Variants in PRKAR1A observed in about 807,000 individuals in gnomAD.
The protein encoded by PRKAR1A is cAMP-dependent protein kinase type I-alpha regulatory subunit.
PRKAR1A carries 3 observed loss-of-function variants against 52.0 expected under a neutral mutation model. The observed-to-expected ratio is 0.06, with a 90% confidence interval of 0.03 to 0.15. PRKAR1A has a LOEUF of 0.15. PRKAR1A is among the 10% of genes least tolerant of loss of function. The pLI is 1.00. For synonymous variants in PRKAR1A, 188 were observed against 168.4 expected (o/e 1.12, Z -0.90); for missense variants, 240 against 477.4 (o/e 0.50, Z 4.63).
intron 11 of PRKAR1A, chr17:68,540,837 G>GT: frequency 6.3e-7 from 1 of 1,588,750 alleles, no homozygotes; most frequent in Middle Eastern, 2.2e-4. Flanking sequence ...GGGCCTGCGT[G>GT]TGGGGACCTA....
At chr17:68,489,825 G>T in the PRKAR1A span, among the ~76,000 whole-genome samples, 1 of 152,176 alleles carries the variant, frequency 6.6e-6, no homozygotes, top group Admixed American at 6.5e-5. Context: ...CAAAATTCTG[G>T]GATTATAGGC....
intron 11 of PRKAR1A, among the ~76,000 whole-genome samples, chr17:68,546,280 C>G (rs977465478): frequency 1.3e-5 from 2 of 150,966 alleles, no homozygotes; most frequent in South Asian, 2.1e-4. Context: ...TTCTAGTTCT[C>G]TTTTATTTCC....
At chr17:68,458,934 G>T in the PRKAR1A span, among the ~76,000 whole-genome samples, 1 of 152,000 alleles carries the variant, frequency 6.6e-6, no homozygotes, top group Admixed American at 6.6e-5. Flanking sequence ...CTACTTTTAT[G>T]TATGTGTATA....
chr17:68,428,804 G>T, the PRKAR1A span: 1 of 1,571,352 alleles, frequency 6.4e-7, no homozygotes, highest in Non-Finnish European at 8.8e-7. Flanking sequence ...TCGAAAGGCT[G>T]TCTTTTGAAA....
chr17:68,433,388 GA>G, the PRKAR1A span: 1 of 1,265,346 alleles, frequency 7.9e-7, no homozygotes, highest in Non-Finnish European at 1.1e-6. Flanking sequence ...AGAAAGAAAA[GA>G]GATCATTCAT....
intron 11 of PRKAR1A, chr17:68,540,814 C>A: frequency 6.4e-7 from 1 of 1,567,480 alleles, no homozygotes; most frequent in Non-Finnish European, 8.7e-7. Flanking sequence ...ATAGCAGAGC[C>A]CACTTCTGCT....
intron 11 of PRKAR1A, among the ~76,000 whole-genome samples, chr17:68,545,043 CAAAGTT>C (rs907320176): frequency 1.1e-4 from 16 of 151,974 alleles, no homozygotes; most frequent in Admixed American, 8.5e-4. Flanking sequence ...GTATATTTTC[CAAAGTT>C]AAAGTTCTAC....
intron 11 of PRKAR1A, among the ~76,000 whole-genome samples, chr17:68,550,145 C>CT (rs1275052586): frequency 1.3e-5 from 2 of 152,050 alleles, no homozygotes; most frequent in Non-Finnish European, 2.9e-5. Context: ...CAACTTGACT[C>CT]TAAGTGATGA....
At chr17:68,535,532 C>T (rs181295794), downstream of PRKAR1A, 62 of 454,036 alleles carry the variant, frequency 1.4e-4, no homozygotes, top group East Asian at 3.4e-3. Flanking sequence ...CCTGGTTCTT[C>T]ATCCACAGGG....
intron 2 of PRKAR1A, among the ~76,000 whole-genome samples, chr17:68,521,240 TA>T (rs1300765887): frequency 6.6e-6 from 1 of 152,056 alleles, no homozygotes; most frequent in South Asian, 2.1e-4. Flanking sequence ...ATGCCTGGCC[TA>T]TTTTTTGAGA....
chr17:68,481,968 A>G, the PRKAR1A span, among the ~76,000 whole-genome samples: 3 of 152,222 alleles, frequency 2.0e-5, no homozygotes, highest in Admixed American at 2.0e-4. Context: ...AAGTGGAAGA[A>G]ATGCCCTACC....
downstream of PRKAR1A, chr17:68,536,939 T>G (rs2086113170): frequency 2.2e-6 from 1 of 454,162 alleles, no homozygotes. Flanking sequence ...CTGATTCAGA[T>G]GGGTCCAGTG....
At chr17:68,457,533 CCCCG>C in the PRKAR1A span, 1 of 199,290 alleles carries the variant, frequency 5.0e-6, no homozygotes, top group East Asian at 1.1e-4. Flanking sequence ...CCCTACCCCG[CCCCG>C]TCCCCACCCC....
chr17:68,426,731 CA>C, the PRKAR1A span, among the ~76,000 whole-genome samples: 1 of 152,126 alleles, frequency 6.6e-6, no homozygotes, highest in Non-Finnish European at 1.5e-5. Context: ...GATGGGGTTT[CA>C]CCATGTTGGC....
the PRKAR1A span, chr17:68,426,252 G>GGGGC: frequency 1.2e-6 from 1 of 828,188 alleles, no homozygotes; most frequent in Non-Finnish European, 1.9e-6. Flanking sequence ...TGGGGAGCGG[G>GGGGC]GGCTCAAATA....
chr17:68,532,646 G>A lies in PRKAR1A; in HGVS notation c.*2197G>A, dbSNP rs533508012. The A allele has an allele frequency of 7.6e-4, 811 of 1,066,226 alleles. 2 individuals carry two copies. Among genetic ancestry groups the A allele is most frequent in the Middle Eastern group, 7.5e-3 (18 of 2,400 alleles). The allele number at this position is 1,066,226 out of a possible 1,614,324, so 66.0% of individuals were successfully genotyped here. A position where few individuals can be genotyped will look rare whatever the true frequency, so the allele number is the denominator to read the frequency against. ...AGAAAGTATAGATGGCCAAAGGACC[G>A]TTTTGTATTGCTTCCTGATTACCAG... On this transcript the variant is annotated 3_prime_UTR_variant, in exon 11 of 11. Transcript: ENST00000589228.
chr17:68,496,204 G>C, the PRKAR1A span, among the ~76,000 whole-genome samples: 1 of 147,722 alleles, frequency 6.8e-6, no homozygotes, highest in East Asian at 2.0e-4. Context: ...ACCACGCCTG[G>C]CTAATTTTTG....
At chr17:68,529,549 G>C (rs757268359) in intron 9 of PRKAR1A, among the ~76,000 whole-genome samples, 8 of 152,204 alleles carry the variant, frequency 5.3e-5, no homozygotes, top group Non-Finnish European at 7.3e-5. Flanking sequence ...GTGGACCATA[G>C]GGTTTCATTC....
chr17:68,445,621 G>A, the PRKAR1A span, among the ~76,000 whole-genome samples: 2 of 152,226 alleles, frequency 1.3e-5, no homozygotes, highest in Admixed American at 1.3e-4. Flanking sequence ...CCACATGAAA[G>A]CTTGTCAGGT....
Sources: allele counts gnomAD v4.1 joint callset (sites outside exome capture counted in the v4.1 genomes callset), GRCh38; gene constraint gnomAD v4.1.1; transcripts MANE v1.5; gene names NCBI Gene and HGNC (gene_info 2026-07-23, HGNC 2026-07-21).